BBS9: variants seen among roughly 807,000 people sequenced by gnomAD.
BBS9 encodes protein PTHB1.
BBS9 carries 89 observed loss-of-function variants against 117.7 expected under a neutral mutation model. The ratio of observed to expected loss-of-function variants is 0.76; its 90% CI spans 0.64 to 0.90. The LOEUF is 0.90. BBS9 is among the 40% of genes least tolerant of loss of function. The probability of loss-of-function intolerance (pLI) is 0.00; values close to 1 mark genes in which losing one functional copy is unlikely to be tolerated. For synonymous variants in BBS9, 379 were observed against 370.9 expected (o/e 1.02, Z -0.25); for missense variants, 982 against 1,042.2 (o/e 0.94, Z 0.80).
intron 19 of BBS9, among the ~76,000 whole-genome samples, chr7:33,452,702 A>G (rs1000152050): frequency 6.6e-6 from 1 of 152,238 alleles, no homozygotes; most frequent in African/African-American, 2.4e-5. Flanking sequence ...ACAGTAGAGT[A>G]GATGTCATAA....
chr7:33,497,265 A>G (rs373728418), intron 19 of BBS9, among the ~76,000 whole-genome samples: 10 of 152,146 alleles, frequency 6.6e-5, no homozygotes, highest in Non-Finnish European at 1.5e-4. Context: ...GTTCCATTCA[A>G]ATTGGGAGCC....
chr7:33,493,291 G>C (rs1337064863), intron 19 of BBS9, among the ~76,000 whole-genome samples: 2 of 152,132 alleles, frequency 1.3e-5, no homozygotes, highest in African/African-American at 4.8e-5. Flanking sequence ...ACCGCGCCTG[G>C]CCTATTTTTG....
At chr7:33,617,911 T>C (rs921823345) in intron 21 of BBS9, among the ~76,000 whole-genome samples, 1 of 152,114 alleles carries the variant, frequency 6.6e-6, no homozygotes, top group Non-Finnish European at 1.5e-5. Context: ...TCAAGCCAAC[T>C]AACATATGCA....
At chr7:33,356,731 A>G (rs2128683238) in intron 15 of BBS9, among the ~76,000 whole-genome samples, 1 of 151,982 alleles carries the variant, frequency 6.6e-6, no homozygotes, top group East Asian at 1.9e-4. Flanking sequence ...ATACAATTCC[A>G]ATTGACTTTA....
intron 1 of BBS9, among the ~76,000 whole-genome samples, chr7:33,140,478 T>C (rs1791279339): frequency 6.6e-6 from 1 of 152,192 alleles, no homozygotes; most frequent in Admixed American, 6.5e-5. Context: ...AAGATGACTA[T>C]GCTGTGTCCT....
intron 21 of BBS9, among the ~76,000 whole-genome samples, chr7:33,628,383 T>C (rs1865740434): frequency 6.6e-6 from 1 of 152,200 alleles, no homozygotes; most frequent in Non-Finnish European, 1.5e-5. Flanking sequence ...CAAATTGCAA[T>C]GTTGGTTTAA....
At chr7:33,565,242 T>A in intron 21 of BBS9, among the ~76,000 whole-genome samples, 1 of 152,184 alleles carries the variant, frequency 6.6e-6, no homozygotes, top group Non-Finnish European at 1.5e-5. Flanking sequence ...ACTATCTCTT[T>A]TTTACTGACT....
Position 33,534,186 on chromosome 7 carries a change from C to T in BBS9, c.2521+10C>T. 6.2e-7 allele frequency: 1 copy of T among 1,610,930 alleles called. No individual in the cohort carries two copies. The highest frequency in any genetic ancestry group is 1.7e-5 in the Admixed American group (1 of 59,928). ...ACCATGGTCATGCCAGGTAAGAGCT[C>T]TGTCCATGCTCCCTAATCACAATTG... On this transcript the variant is annotated intron_variant, in intron 21 of 22. Coordinates refer to ENST00000242067, the MANE Select transcript of BBS9 (RefSeq NM_198428.3).
chr7:33,445,902 T>G (rs1439667981), intron 19 of BBS9, among the ~76,000 whole-genome samples: 4 of 152,192 alleles, frequency 2.6e-5, no homozygotes, highest in Non-Finnish European at 4.4e-5. Context: ...GATTTTAAGT[T>G]TCCTAGGGCT....
intron 19 of BBS9, among the ~76,000 whole-genome samples, chr7:33,411,151 A>G (rs1046740554): frequency 1.3e-5 from 2 of 151,522 alleles, no homozygotes; most frequent in Non-Finnish European, 2.9e-5. Flanking sequence ...AAGCTTGGAT[A>G]TTTGTCTAAT....
chr7:33,318,568 T>A (rs932084400), intron 9 of BBS9, among the ~76,000 whole-genome samples: 1 of 152,134 alleles, frequency 6.6e-6, no homozygotes, highest in African/African-American at 2.4e-5. Context: ...TAAATAAAAA[T>A]TATTATTTTT....
chr7:33,189,193 T>A (rs1419071623), intron 5 of BBS9, among the ~76,000 whole-genome samples: 1 of 151,978 alleles, frequency 6.6e-6, no homozygotes, highest in Non-Finnish European at 1.5e-5. Flanking sequence ...GCTATTTGTT[T>A]TTTTTTGTAG....
At chr7:33,196,298 G>A (rs950326189) in intron 5 of BBS9, among the ~76,000 whole-genome samples, 1 of 151,844 alleles carries the variant, frequency 6.6e-6, no homozygotes, top group Non-Finnish European at 1.5e-5. Context: ...ACTTCTAATT[G>A]TCTGAACTGG....
intron 5 of BBS9, among the ~76,000 whole-genome samples, chr7:33,222,837 C>T (rs932952857): frequency 9.2e-5 from 14 of 151,522 alleles, no homozygotes; most frequent in Non-Finnish European, 2.9e-5. Flanking sequence ...CCTGTGGTCC[C>T]AGCTACTCGG....
intron 5 of BBS9, among the ~76,000 whole-genome samples, chr7:33,181,657 A>C (rs1442749351): frequency 6.6e-6 from 1 of 152,218 alleles, no homozygotes; most frequent in Non-Finnish European, 1.5e-5. Flanking sequence ...CCAATGTTCA[A>C]TTTATGGAAA....
At chr7:33,614,498 CTCT>C (rs1472861742) in intron 21 of BBS9, among the ~76,000 whole-genome samples, 1 of 152,060 alleles carries the variant, frequency 6.6e-6, no homozygotes, top group Non-Finnish European at 1.5e-5. Context: ...AAATCAGTAA[CTCT>C]TCTTATCTGT....
chr7:33,311,729 A>G (rs1202299113), intron 9 of BBS9, among the ~76,000 whole-genome samples: 1 of 152,070 alleles, frequency 6.6e-6, no homozygotes, highest in African/African-American at 2.4e-5. Context: ...AGACAGGATA[A>G]TCGCTTGAAC....
chr7:33,462,941 A>G (rs893799427), intron 19 of BBS9, among the ~76,000 whole-genome samples: 3 of 152,254 alleles, frequency 2.0e-5, no homozygotes, highest in African/African-American at 4.8e-5. Context: ...TAGATTAACT[A>G]CAATCACTTT....
At position 33,534,008 on chromosome 7, in the gene BBS9, T is replaced by G; in HGVS notation, c.2353T>G (p.Ser785Ala). 6.2e-7 allele frequency: 1 copy of G among 1,614,222 alleles called. No individual in the cohort carries two copies. Among genetic ancestry groups the G allele is most frequent in the Non-Finnish European group, 8.5e-7 (1 of 1,180,032 alleles). ...TTCCCACCTGTTGAAGACTTGCCTG[T>G]CGAAGAGTTCTAAGGAGCAGGCTTT... ...AISHLLKTCL[S>A]KSSKEQALNL... is the part of the protein sequence containing the mutation. The change falls in exon 21 of 23, where the codon TCG becomes GCG. Residue 785 changes from serine (S) to alanine (A), a missense_variant. Transcript: ENST00000242067.
Sources: gnomAD v4.1 joint callset for allele counts (sites outside exome capture counted in the v4.1 genomes callset) on GRCh38, gnomAD v4.1.1 for gene constraint, MANE v1.5 for transcripts, NCBI Gene and HGNC (gene_info 2026-07-23, HGNC 2026-07-21) for gene names.